The following ZNF618 variants were observed in gnomAD, a reference collection of about 807,000 sequenced individuals.
ZNF618 encodes neural precursor cell expressed, developmentally down-regulated 10.
In ZNF618, 34 loss-of-function variants were observed where a neutral mutation model predicts 103.0. The ratio of observed to expected loss-of-function variants is 0.33; its 90% confidence interval spans 0.25 to 0.44. ZNF618 has a LOEUF of 0.44. Among genes scored for constraint, ZNF618 ranks in the 20% least tolerant of loss-of-function variants. ZNF618 has a pLI of 1.00. For missense variants in ZNF618, 1,059 were observed against 1,295.4 expected, an observed-to-expected ratio of 0.82 and a Z score of 2.80; for synonymous variants, 551 against 542.2, an observed-to-expected ratio of 1.02 and a Z score of -0.23.
intron 1 of ZNF618, among the ~76,000 whole-genome samples, chr9:113,916,114 GT>G (rs1832056120): frequency 6.6e-6 from 1 of 151,998 alleles, no homozygotes; most frequent in Non-Finnish European, 1.5e-5. Context: ...CTGTGTGTGT[GT>G]ATTGCAGTGT....
Position 114,008,339 on chromosome 9 carries a change from C to A in ZNF618, c.641-5C>A, listed in dbSNP as rs750772507. The A allele has an allele frequency of 6.2e-7, 1 of 1,613,512 alleles. No homozygotes were observed. The highest frequency in any genetic ancestry group is 8.5e-7 in the Non-Finnish European group (1 of 1,179,880). ...CTGCGGCTGCCGCCTCCTGCCCGGG[C>A]GCAGTGTTTAGTGTGGAAGGGGCCC... On this transcript the variant is annotated splice_polypyrimidine_tract_variant and splice_region_variant and intron_variant, in intron 7 of 14. Coordinates refer to ENST00000374126, the MANE Select transcript of ZNF618 (RefSeq NM_001318042.2).
At chr9:113,947,310 T>C (rs1835130184) in intron 1 of ZNF618, among the ~76,000 whole-genome samples, 1 of 152,176 alleles carries the variant, frequency 6.6e-6, no homozygotes, top group South Asian at 2.1e-4. Context: ...CTCAGTTTCC[T>C]CCTCTGGACA....
intron 1 of ZNF618, among the ~76,000 whole-genome samples, chr9:113,882,299 C>T (rs186398692): frequency 7.2e-5 from 11 of 152,120 alleles, no homozygotes; most frequent in African/African-American, 9.7e-5. Flanking sequence ...TGTGTGACTT[C>T]GGGAAAGTCA....
chr9:113,885,846 G>A (rs749021650), intron 1 of ZNF618, among the ~76,000 whole-genome samples: 1 of 152,192 alleles, frequency 6.6e-6, no homozygotes, highest in Non-Finnish European at 1.5e-5. Flanking sequence ...GGTGAGGATG[G>A]TATTGAGTCG....
Position 114,049,657 on chromosome 9 carries a change from C to T in ZNF618, c.2355C>T (p.Cys785=). Residue 785 remains cysteine (C), a synonymous_variant, in exon 15 of 15, where the codon TGC becomes TGT. Transcript: ENST00000374126. Reference sequence around the variant, plus strand: ...ACGCAGGCACTGTCAGCAAGCTCTGCCACCTCTTCCTGGAGGCGCTCAAGG... The same window carrying T: ...ACGCAGGCACTGTCAGCAAGCTCTGTCACCTCTTCCTGGAGGCGCTCAAGG... ...ANDAGTVSKL[C]HLFLEALKEN... The T allele has an allele frequency of 8.7e-6, 14 of 1,613,818 alleles. No homozygotes were observed. Among genetic ancestry groups the T allele is most frequent in the Non-Finnish European group, 1.1e-5 (13 of 1,179,908 alleles).
Position 114,030,379 on chromosome 9 carries a change from A to G in ZNF618, c.1084+1407A>G, listed in dbSNP as rs547675559. 3.2e-4 allele frequency among the ~76,000 whole-genome samples: 48 copies of G among 152,224 alleles called. 1 individual carries two copies. In the South Asian group the frequency reaches 9.8e-3, roughly 31 times the overall value. ...ATTGGTCATCACGGTCTCATTGGTG[A>G]TAGATATCGGCTCCACTAAATCATG... On this transcript the variant is annotated intron_variant, in intron 11 of 14. Transcript: ENST00000374126.
At chr9:114,018,703 G>C (rs1040017561) in intron 10 of ZNF618, among the ~76,000 whole-genome samples, 3 of 152,236 alleles carry the variant, frequency 2.0e-5, no homozygotes, top group Non-Finnish European at 4.4e-5. Context: ...TCTCCTGAAG[G>C]GCTGTCTACT....
rs1408595535 is a variant in ZNF618 at position 113,884,537 on chromosome 9, A to G, written c.33+8124A>G. Reference sequence around the variant, plus strand: ...AGTCCAAGGATGGTAAATAAGTAGCATACATGCTGCCATTCCCCATCCTCT... The same window carrying G: ...AGTCCAAGGATGGTAAATAAGTAGCGTACATGCTGCCATTCCCCATCCTCT... On this transcript the variant is annotated intron_variant, in intron 1 of 14. Transcript: ENST00000374126. 5.3e-5 allele frequency among the ~76,000 whole-genome samples: 8 copies of G among 152,366 alleles called. No homozygotes were observed. The South Asian group carries it at 6.2e-4, about 12-fold the overall frequency.
At chr9:113,985,849 C>T (rs796130982) in intron 2 of ZNF618, among the ~76,000 whole-genome samples, 3 of 152,194 alleles carry the variant, frequency 2.0e-5, no homozygotes, top group Admixed American at 6.5e-5. Flanking sequence ...ACCAAGATTT[C>T]GTTCCTAGAG....
intron 13 of ZNF618, among the ~76,000 whole-genome samples, chr9:114,038,518 G>T (rs561606007): frequency 1.3e-5 from 2 of 152,334 alleles, no homozygotes; most frequent in African/African-American, 2.4e-5. Flanking sequence ...ATCATGAGCT[G>T]CGCAGTTCAC....
At chr9:113,922,477 G>T (rs1013255616) in intron 1 of ZNF618, among the ~76,000 whole-genome samples, 187 of 132,878 alleles carry the variant, frequency 1.4e-3, no homozygotes, top group South Asian at 7.2e-3. Context: ...GTTTTGGTTT[G>T]TTTTTTTTTT....
intron 13 of ZNF618, among the ~76,000 whole-genome samples, chr9:114,037,492 G>A (rs932275551): frequency 9.9e-5 from 15 of 152,188 alleles, no homozygotes; most frequent in Admixed American, 2.6e-4. Context: ...AAAGGGAAAC[G>A]TGAGTCTGGG....
chr9:113,968,479 C>T (rs1837638518), intron 1 of ZNF618, among the ~76,000 whole-genome samples: 1 of 152,116 alleles, frequency 6.6e-6, no homozygotes, highest in African/African-American at 2.4e-5. Context: ...GCATTGAGGT[C>T]CCCCTGAGCA....
At chr9:114,048,118 A>G in intron 14 of ZNF618, 124 bp downstream of exon 14, 1 of 873,508 alleles carries the variant, frequency 1.1e-6, no homozygotes, top group Non-Finnish European at 1.8e-6. Context: ...ATAGTTTCCA[A>G]AGCACTTTTA....
intron 10 of ZNF618, among the ~76,000 whole-genome samples, chr9:114,018,953 A>G (rs1367467623): frequency 4.6e-5 from 7 of 152,274 alleles, no homozygotes; most frequent in South Asian, 2.1e-4. Context: ...TTGTGTGCCA[A>G]TGGACTTCTT....
chr9:114,045,662 G>A (rs757369192), intron 13 of ZNF618, among the ~76,000 whole-genome samples: 2 of 151,916 alleles, frequency 1.3e-5, no homozygotes, highest in African/African-American at 4.8e-5. Flanking sequence ...TTCCTCCAAC[G>A]TTGTCCTTTT....
chr9:113,990,654 T>TA (rs1839964349), intron 3 of ZNF618, among the ~76,000 whole-genome samples: 2 of 152,172 alleles, frequency 1.3e-5, no homozygotes, highest in African/African-American at 4.8e-5. Flanking sequence ...TGGAGAGACT[T>TA]ACGCTGGCAA....
At chr9:113,925,349 A>G (rs1036469259) in intron 1 of ZNF618, among the ~76,000 whole-genome samples, 1 of 151,122 alleles carries the variant, frequency 6.6e-6, no homozygotes, top group Non-Finnish European at 1.5e-5. Context: ...TTAGTATGGT[A>G]TATCTTTCTC....
At chr9:113,927,325 G>C (rs1031108768) in intron 1 of ZNF618, among the ~76,000 whole-genome samples, 3 of 152,136 alleles carry the variant, frequency 2.0e-5, no homozygotes, top group Non-Finnish European at 2.9e-5. Context: ...AGTGTCAGAG[G>C]CTAAAATTTC....
Sources: gnomAD v4.1 joint callset for allele counts (sites outside exome capture counted in the v4.1 genomes callset) on GRCh38, gnomAD v4.1.1 for gene constraint, MANE v1.5 for transcripts, NCBI Gene and HGNC (gene_info 2026-07-23, HGNC 2026-07-21) for gene names.